Variants in MCTP2 observed in about 807,000 individuals in gnomAD.
MCTP2 encodes multiple C2 and transmembrane domain-containing protein 2.
Under a neutral mutation model 111.6 loss-of-function variants are expected in MCTP2, and 132 were observed. The ratio of observed to expected loss-of-function variants is 1.18; its 90% CI spans 1.03 to 1.37. The LOEUF is 1.37. Among genes scored for constraint, MCTP2 ranks in the 40% most tolerant of loss-of-function variants. MCTP2 has a pLI of 0.00. For synonymous variants in MCTP2, 395 were observed against 387.7 expected (o/e 1.02, Z -0.22); for missense variants, 1,183 against 1,067.9 (o/e 1.11, Z -1.50).
chr15:94,436,361 T>A (rs1208748212), intron 17 of MCTP2, among the ~76,000 whole-genome samples: 3 of 152,172 alleles, frequency 2.0e-5, no homozygotes, highest in Admixed American at 6.5e-5. Context: ...ATAATTAGAC[T>A]TTTTTTCTAA....
chr15:94,311,478 AACGAATAATACCACAGGC>A (rs1317724083), intron 2 of MCTP2, among the ~76,000 whole-genome samples: 9 of 152,230 alleles, frequency 5.9e-5, no homozygotes, highest in African/African-American at 1.7e-4. Context: ...ACTTCTACTC[AACGAATAATACCACAGGC>A]ACTATGCAAG....
At chr15:94,398,851 A>G in intron 14 of MCTP2, 110 bp from the exon 15 acceptor site, 1 of 625,566 alleles carries the variant, frequency 1.6e-6, no homozygotes, top group Admixed American at 2.7e-5. Context: ...TGTTTGCTTC[A>G]CCTGTGATCA....
At chr15:94,283,484 C>T (rs2074599170) in intron 1 of MCTP2, among the ~76,000 whole-genome samples, 1 of 152,152 alleles carries the variant, frequency 6.6e-6, no homozygotes, top group Non-Finnish European at 1.5e-5. Context: ...CCTTAAATAT[C>T]TGGGGGGGTT....
chr15:94,257,592 T>G (rs1172118290), intron 1 of MCTP2, among the ~76,000 whole-genome samples: 1 of 57,716 alleles, frequency 1.7e-5, no homozygotes, highest in African/African-American at 7.2e-5. Context: ...TTTTTTTTTT[T>G]TTTTTTTTTT....
Position 94,367,786 on chromosome 15 carries a change from C to T in MCTP2, c.1483C>T (p.Arg495Ter), listed in dbSNP as rs770522834. 1.7e-5 allele frequency: 27 copies of T among 1,598,350 alleles called. No homozygotes were observed. The highest frequency in any genetic ancestry group is 1.7e-4 in the Middle Eastern group (1 of 5,984). The change falls in exon 11 of 23, where the codon CGA becomes TGA. Residue 495 changes from arginine to a stop codon, truncating the protein, a stop_gained. Transcript: ENST00000357742. LOFTEE classifies it high-confidence loss of function. ...CAGCGAAAGAAAGCAGATTACCCAGCGATATGTGAGTGTTTTTCCTTATTG... is the reference window on the plus strand; with the variant it reads ...CAGCGAAAGAAAGCAGATTACCCAGTGATATGTGAGTGTTTTTCCTTATTG... ...DLSERKQITQ[R>*]YCLQNSLKDV...
chr15:94,293,698 A>G (rs1377491926), intron 1 of MCTP2, among the ~76,000 whole-genome samples: 1 of 152,204 alleles, frequency 6.6e-6, no homozygotes, highest in Non-Finnish European at 1.5e-5. Context: ...GCTAAAATTA[A>G]AAGTCCTGAT....
In MCTP2 at chr15:94,479,686, T is replaced by C. The variant is rs2074628954; in HGVS notation, c.*652T>C. 2 of 152,162 alleles carry C rather than the reference T, an allele frequency of 1.3e-5. No individual in the cohort carries two copies. The highest frequency in any genetic ancestry group is 2.9e-5 in the Non-Finnish European group (2 of 68,046). 9.4% of individuals were successfully genotyped at this position (152,162 alleles called of 1,614,324 possible). A position where few individuals can be genotyped will look rare whatever the true frequency, so the allele number is the denominator to read the frequency against. ...AGCAGGGTCCATTGCTGGCAATGGA[T>C]GGCCCAGGAAGGTCCCTAGAGATCA... On this transcript the variant is annotated 3_prime_UTR_variant, in exon 23 of 23. Coordinates refer to ENST00000357742, the MANE Select transcript of MCTP2 (RefSeq NM_001385001.1).
chr15:94,296,492 G>A (rs1596292034), intron 1 of MCTP2, among the ~76,000 whole-genome samples: 1 of 152,154 alleles, frequency 6.6e-6, no homozygotes, highest in African/African-American at 2.4e-5. Context: ...AGTCCTCACC[G>A]CAGCCTCCCG....
At chr15:94,406,772 T>G (rs1381031426) in intron 17 of MCTP2, among the ~76,000 whole-genome samples, 1 of 151,856 alleles carries the variant, frequency 6.6e-6, no homozygotes, top group Non-Finnish European at 1.5e-5. Context: ...TTTTAGATGA[T>G]GTAGAGGGAT....
rs555344515 is a variant in MCTP2 at position 94,265,248 on chromosome 15, G to A, written c.-65-32953G>A. On this transcript the variant is annotated intron_variant, in intron 1 of 22. Coordinates refer to ENST00000357742, the MANE Select transcript of MCTP2 (RefSeq NM_001385001.1). The stretch of plus-strand genomic sequence containing the variant: ...AGAACTCTGCGTTTGCCCTTCCTCT[G>A]ATTTTATCATGAGTCACTTATACTA... 5.9e-5 allele frequency among the ~76,000 whole-genome samples: 9 copies of A among 152,242 alleles called. No homozygotes were observed. In the East Asian group the frequency reaches 7.7e-4, roughly 13 times the overall value.
chr15:94,259,511 T>C (rs1411664440), intron 1 of MCTP2, among the ~76,000 whole-genome samples: 2 of 152,202 alleles, frequency 1.3e-5, no homozygotes, highest in African/African-American at 2.4e-5. Flanking sequence ...AACTCTGACT[T>C]GGACTCTTGT....
At chr15:94,243,122 T>G (rs114099611) in intron 1 of MCTP2, among the ~76,000 whole-genome samples, 11,205 of 64,848 alleles carry the variant, frequency 0.17, 3,610 homozygotes, top group African/African-American at 0.24. Context: ...TGTGTATATA[T>G]GTATCTACGG....
intron 17 of MCTP2, among the ~76,000 whole-genome samples, chr15:94,404,081 A>T (rs143577919): frequency 1.8e-4 from 28 of 152,324 alleles, no homozygotes; most frequent in African/African-American, 6.7e-4. Flanking sequence ...GACCATGTGT[A>T]TGTTGACTGG....
intron 18 of MCTP2, among the ~76,000 whole-genome samples, chr15:94,441,321 T>G (rs2083768257): frequency 1.3e-5 from 2 of 152,200 alleles, no homozygotes; most frequent in African/African-American, 2.4e-5. Context: ...CACATATCAG[T>G]GAGAAAATAG....
At chr15:94,447,477 C>T (rs2084186596) in intron 19 of MCTP2, among the ~76,000 whole-genome samples, 1 of 152,208 alleles carries the variant, frequency 6.6e-6, no homozygotes, top group African/African-American at 2.4e-5. Flanking sequence ...TCAGTGCAAT[C>T]TCTGCCTCCC....
rs766714702 is a variant in MCTP2, at chr15:94,358,470, C to A, written c.1171-12C>A. 4 of 1,603,208 alleles carry A rather than the reference C, an allele frequency of 2.5e-6. No individual in the cohort carries two copies. Among genetic ancestry groups the A allele is most frequent in the Middle Eastern group, 1.7e-4 (1 of 6,004 alleles). ...TTTAAGAAAATAAATATTATAACTG[C>A]ATGTTTTCTAGACACTGTGTAAGAG... is the stretch of plus-strand genomic sequence containing the variant. On this transcript the variant is annotated splice_polypyrimidine_tract_variant and intron_variant, in intron 9 of 22. Coordinates refer to ENST00000357742, the MANE Select transcript of MCTP2 (RefSeq NM_001385001.1).
chr15:94,390,132 A>ATATATATG (rs1358369611), intron 14 of MCTP2, among the ~76,000 whole-genome samples: 15 of 90,480 alleles, frequency 1.7e-4, no homozygotes, highest in African/African-American at 2.6e-4. Context: ...ATATATATAT[A>ATATATATG]CTTAGATGTT....
intron 2 of MCTP2, among the ~76,000 whole-genome samples, chr15:94,301,519 A>G (rs1183203533): frequency 6.6e-6 from 1 of 152,200 alleles, no homozygotes; most frequent in African/African-American, 2.4e-5. Context: ...GAGGATTGGC[A>G]TGGCTGGGGA....
intron 19 of MCTP2, among the ~76,000 whole-genome samples, chr15:94,444,727 G>C (rs1328241453): frequency 6.6e-6 from 1 of 152,172 alleles, no homozygotes; most frequent in Non-Finnish European, 1.5e-5. Flanking sequence ...AGGAACCAGG[G>C]ACAAAGAACA....
Sources: gnomAD v4.1 joint callset for allele counts (sites outside exome capture counted in the v4.1 genomes callset) on GRCh38, gnomAD v4.1.1 for gene constraint, MANE v1.5 for transcripts, NCBI Gene and HGNC (gene_info 2026-07-23, HGNC 2026-07-21) for gene names.